FGGY: variants seen among roughly 807,000 people sequenced by gnomAD.
FGGY encodes the protein FGGY carbohydrate kinase domain-containing protein.
Under a neutral mutation model 71.3 loss-of-function variants are expected in FGGY, and 72 were observed. That is an observed-to-expected ratio of 1.01 (90% confidence interval 0.84 to 1.23). The LOEUF (loss-of-function observed/expected upper bound fraction) is 1.23, where lower values mean the gene tolerates loss of function less well. FGGY is among the 50% of genes most tolerant of loss of function. FGGY has a pLI of 0.00. For synonymous variants in FGGY, 251 were observed against 250.3 expected (o/e 1.00, Z -0.02); for missense variants, 668 against 682.3 (o/e 0.98, Z 0.23).
intron 8 of FGGY, among the ~76,000 whole-genome samples, chr1:59,588,964 T>C (rs1359970164): frequency 6.6e-6 from 1 of 152,198 alleles, no homozygotes; most frequent in Non-Finnish European, 1.5e-5. Flanking sequence ...GTAAATGGAC[T>C]AAATGCTCCA....
chr1:59,301,706 C>CTTTT (rs34290988), intron 1 of FGGY, among the ~76,000 whole-genome samples: 180 of 54,938 alleles, frequency 3.3e-3, no homozygotes, highest in Middle Eastern at 0.029. Context: ...TGTGATCATT[C>CTTTT]TTTTTTTTTT....
chr1:59,697,517 C>T (rs1044845939), intron 14 of FGGY: 2 of 445,826 alleles, frequency 4.5e-6, no homozygotes, highest in Non-Finnish European at 4.5e-6. Context: ...TGCTGTAGCA[C>T]GTATCAGAAT....
At chr1:59,566,916 A>C (rs760545480) in intron 8 of FGGY, among the ~76,000 whole-genome samples, 1 of 152,174 alleles carries the variant, frequency 6.6e-6, no homozygotes, top group Non-Finnish European at 1.5e-5. Context: ...GGATGATACT[A>C]GTGTGTGGTC....
intron 14 of FGGY, among the ~76,000 whole-genome samples, chr1:59,707,373 A>C (rs1307842251): frequency 6.6e-6 from 1 of 152,158 alleles, no homozygotes; most frequent in Non-Finnish European, 1.5e-5. Flanking sequence ...CTCTGCTGGG[A>C]ATGACTCAGA....
intron 1 of FGGY, among the ~76,000 whole-genome samples, chr1:59,319,930 T>C (rs939669013): frequency 6.6e-6 from 1 of 152,108 alleles, no homozygotes; most frequent in Non-Finnish European, 1.5e-5. Flanking sequence ...CAGCTCTGTT[T>C]TTATCTGTTT....
intron 14 of FGGY, among the ~76,000 whole-genome samples, chr1:59,692,821 T>A (rs1317590317): frequency 6.6e-6 from 1 of 152,198 alleles, no homozygotes; most frequent in African/African-American, 2.4e-5. Context: ...AATGCCAAGC[T>A]GATGCTGTAA....
chr1:59,387,730 C>T (rs1331975475), intron 5 of FGGY, among the ~76,000 whole-genome samples: 1 of 152,158 alleles, frequency 6.6e-6, no homozygotes, highest in East Asian at 1.9e-4. Context: ...TTAGTGCACA[C>T]CTTACCTACC....
chr1:59,342,238 C>T (rs535144536), intron 3 of FGGY, among the ~76,000 whole-genome samples: 12 of 152,156 alleles, frequency 7.9e-5, no homozygotes, highest in Admixed American at 6.5e-4. Context: ...GCTAGGGTGT[C>T]AACTTTTTAA....
intron 7 of FGGY, among the ~76,000 whole-genome samples, chr1:59,528,651 G>A (rs2095057992): frequency 6.6e-6 from 1 of 152,170 alleles, no homozygotes; most frequent in African/African-American, 2.4e-5. Flanking sequence ...TTTAGCCTCA[G>A]GAGTTAAAAG....
intron 9 of FGGY, among the ~76,000 whole-genome samples, chr1:59,614,882 G>C (rs539611222): frequency 6.6e-5 from 10 of 152,252 alleles, no homozygotes; most frequent in Non-Finnish European, 1.2e-4. Context: ...CAAATCATGA[G>C]TGAACTCCCA....
At chr1:59,496,193 T>C (rs1014238898) in intron 6 of FGGY, among the ~76,000 whole-genome samples, 2 of 152,192 alleles carry the variant, frequency 1.3e-5, no homozygotes, top group African/African-American at 4.8e-5. Context: ...TGTAGAGATC[T>C]TTCACCTCTC....
At chr1:59,329,464 C>A (rs1381917863) in intron 2 of FGGY, among the ~76,000 whole-genome samples, 2 of 152,214 alleles carry the variant, frequency 1.3e-5, no homozygotes, top group Non-Finnish European at 2.9e-5. Flanking sequence ...CTGCAAAGTG[C>A]AATAAAGTGA....
At chr1:59,657,512 C>T (rs543055034) in intron 11 of FGGY, among the ~76,000 whole-genome samples, 2 of 152,016 alleles carry the variant, frequency 1.3e-5, no homozygotes, top group African/African-American at 2.4e-5. Flanking sequence ...CCAGGACCAC[C>T]GCATGCTAGC....
chr1:59,692,014 C>G (rs1411124789), intron 14 of FGGY, among the ~76,000 whole-genome samples: 1 of 152,078 alleles, frequency 6.6e-6, no homozygotes, highest in African/African-American at 2.4e-5. Flanking sequence ...AACAAATACC[C>G]CCAAGGTACA....
intron 5 of FGGY, 121 bp from the exon 6 acceptor site, chr1:59,456,840 C>T: frequency 1.6e-6 from 1 of 624,678 alleles, no homozygotes; most frequent in Non-Finnish European, 2.9e-6. Context: ...GTGTCATTAT[C>T]TACACTGGCT....
chr1:59,720,858 C>T (rs1036556453), intron 14 of FGGY, among the ~76,000 whole-genome samples: 2 of 152,224 alleles, frequency 1.3e-5, no homozygotes, highest in African/African-American at 4.8e-5. Flanking sequence ...GCAAAGCCCT[C>T]CTGGCCTGGT....
In FGGY at chr1:59,626,159, G is replaced by GT. The variant is rs1368423314; in HGVS notation, c.1073+112dup. On this transcript the variant is annotated intron_variant, in intron 10 of 15. Transcript: ENST00000303721. ...GATCCTACAGACAATGAAAATGCCT[G>GT]TTAGTGCTTGAAAGATAGTCACCTG... 3.8e-6 allele frequency: 3 copies of GT among 791,586 alleles called. No individual in the cohort carries two copies. In the African/African-American group the frequency reaches 5.2e-5, roughly 14 times the overall value. 49.0% of individuals were successfully genotyped at this position (791,586 alleles called of 1,614,324 possible).
chr1:59,400,680 T>A (rs75669031), intron 5 of FGGY, among the ~76,000 whole-genome samples: 6,304 of 152,174 alleles, frequency 0.041, 394 homozygotes, highest in African/African-American at 0.14. Flanking sequence ...CTTTTAACTC[T>A]TCTTTATAAA....
chr1:59,411,599 A>G (rs2063607177), intron 5 of FGGY, among the ~76,000 whole-genome samples: 1 of 151,816 alleles, frequency 6.6e-6, no homozygotes, highest in African/African-American at 2.4e-5. Context: ...TATGATTATA[A>G]TTCTTTCTAT....
Sources: allele counts gnomAD v4.1 joint callset (sites outside exome capture counted in the v4.1 genomes callset), GRCh38; gene constraint gnomAD v4.1.1; transcripts MANE v1.5; gene names NCBI Gene and HGNC (gene_info 2026-07-23, HGNC 2026-07-21).